Variants in SPAG16 observed in about 807,000 individuals in gnomAD.
SPAG16 encodes sperm associated antigen 16, also known as sperm-associated antigen 16 protein.
In SPAG16, 86 loss-of-function variants were observed where a neutral mutation model predicts 80.4. That is an observed-to-expected ratio of 1.07 (90% confidence interval 0.90 to 1.28). The LOEUF is 1.28. Among genes scored for constraint, SPAG16 ranks in the 50% most tolerant of loss-of-function variants. SPAG16 has a pLI of 0.00. For missense variants in SPAG16, 870 were observed against 765.3 expected (o/e 1.14, Z -1.61); for synonymous variants, 294 against 265.9 (o/e 1.11, Z -1.03).
intron 15 of SPAG16, among the ~76,000 whole-genome samples, chr2:214,196,097 T>C (rs1186649934): frequency 2.0e-5 from 3 of 152,010 alleles, no homozygotes; most frequent in Non-Finnish European, 4.4e-5. Context: ...AAAGAAATAT[T>C]TTCACTATGT....
At chr2:214,201,997 C>T (rs2058021713) in intron 15 of SPAG16, among the ~76,000 whole-genome samples, 1 of 152,104 alleles carries the variant, frequency 6.6e-6, no homozygotes, top group South Asian at 2.1e-4. Flanking sequence ...AGGCATACAC[C>T]ACCATGCCTG....
At chr2:213,319,547 T>C (rs1034006016) in intron 5 of SPAG16, among the ~76,000 whole-genome samples, 3 of 151,966 alleles carry the variant, frequency 2.0e-5, no homozygotes, top group African/African-American at 7.2e-5. Flanking sequence ...TTTTGTACTG[T>C]TTGCCCTGTT....
chr2:213,948,833 A>T (rs1383059368), intron 12 of SPAG16, among the ~76,000 whole-genome samples: 5 of 152,202 alleles, frequency 3.3e-5, no homozygotes, highest in Non-Finnish European at 7.4e-5. Context: ...TATTTCTGTT[A>T]CATTTTTTGC....
At chr2:214,405,811 T>TAAAG in intron 15 of SPAG16, among the ~76,000 whole-genome samples, 1 of 152,008 alleles carries the variant, frequency 6.6e-6, no homozygotes, top group East Asian at 1.9e-4. Context: ...AATAAATAAA[T>TAAAG]AAAGAAAATC....
intron 15 of SPAG16, among the ~76,000 whole-genome samples, chr2:214,303,072 T>C (rs1214706077): frequency 6.6e-6 from 1 of 152,234 alleles, no homozygotes; most frequent in Admixed American, 6.5e-5. Flanking sequence ...TTTTTGTAAT[T>C]CAATTAGCCA....
chr2:214,154,627 A>C (rs1298643147), intron 15 of SPAG16, among the ~76,000 whole-genome samples: 1 of 152,006 alleles, frequency 6.6e-6, no homozygotes, highest in Non-Finnish European at 1.5e-5. Flanking sequence ...ATTTGCAGTT[A>C]ATTCCCTCTG....
At chr2:213,781,970 A>G (rs2070008662) in intron 10 of SPAG16, among the ~76,000 whole-genome samples, 1 of 152,214 alleles carries the variant, frequency 6.6e-6, no homozygotes, top group Non-Finnish European at 1.5e-5. Flanking sequence ...TTTCTATAGC[A>G]ATAACTACCT....
intron 15 of SPAG16, among the ~76,000 whole-genome samples, chr2:214,216,335 G>A (rs2058431354): frequency 1.3e-5 from 2 of 152,024 alleles, no homozygotes; most frequent in African/African-American, 4.8e-5. Flanking sequence ...TGATGATGAC[G>A]ATGATGAGAT....
At chr2:213,824,052 C>T (rs576388999) in intron 10 of SPAG16, among the ~76,000 whole-genome samples, 1 of 152,296 alleles carries the variant, frequency 6.6e-6, no homozygotes, top group African/African-American at 2.4e-5. Flanking sequence ...TTGGGTTTTA[C>T]ATATAAGTCT....
intron 10 of SPAG16, among the ~76,000 whole-genome samples, chr2:213,672,945 G>A (rs530569418): frequency 1.4e-5 from 2 of 147,342 alleles, no homozygotes; most frequent in Non-Finnish European, 3.0e-5. Context: ...TGCAAGCTCC[G>A]CCTCCTGGGT....
chr2:213,290,323 A>G (rs2062220202), intron 1 of SPAG16, among the ~76,000 whole-genome samples: 1 of 152,212 alleles, frequency 6.6e-6, no homozygotes, highest in Non-Finnish European at 1.5e-5. Context: ...GGTTATGACT[A>G]GAAATACAGA....
At chr2:214,142,792 T>G (rs988926072) in intron 14 of SPAG16, among the ~76,000 whole-genome samples, 5 of 152,144 alleles carry the variant, frequency 3.3e-5, no homozygotes, top group African/African-American at 9.7e-5. Context: ...TTTGTCAGCT[T>G]CATTTTGTCA....
intron 10 of SPAG16, among the ~76,000 whole-genome samples, chr2:213,702,527 G>C (rs1359001596): frequency 6.6e-6 from 1 of 152,132 alleles, no homozygotes; most frequent in Non-Finnish European, 1.5e-5. Context: ...AACGCCGCGA[G>C]GGTCCACAGC....
intron 10 of SPAG16, among the ~76,000 whole-genome samples, chr2:213,557,633 A>C (rs1293656292): frequency 1.3e-5 from 2 of 152,166 alleles, no homozygotes; most frequent in African/African-American, 2.4e-5. Context: ...CATTAAAAAA[A>C]ATTGAGTTGA....
intron 13 of SPAG16, among the ~76,000 whole-genome samples, chr2:214,026,831 A>T (rs2048154551): frequency 6.6e-6 from 1 of 151,558 alleles, no homozygotes. Context: ...TTAATTATGT[A>T]CTATACAATA....
intron 15 of SPAG16, among the ~76,000 whole-genome samples, chr2:214,328,270 C>T (rs1191543479): frequency 1.3e-5 from 2 of 152,140 alleles, no homozygotes; most frequent in Non-Finnish European, 2.9e-5. Flanking sequence ...ATTCCCCTGC[C>T]TCAGTCTCCC....
intron 11 of SPAG16, among the ~76,000 whole-genome samples, chr2:213,881,572 C>T (rs776470802): frequency 5.3e-5 from 8 of 152,100 alleles, no homozygotes; most frequent in South Asian, 2.1e-4. Flanking sequence ...AACTTACAAT[C>T]GTGGCAGAAG....
At chr2:213,527,690 C>A (rs1231981808) in intron 10 of SPAG16, among the ~76,000 whole-genome samples, 2 of 152,084 alleles carry the variant, frequency 1.3e-5, no homozygotes, top group African/African-American at 4.8e-5. Flanking sequence ...AAAAACTCAA[C>A]ACACAGAAAA....
At chr2:214,050,257 AGTT>A (rs1161367105) in intron 13 of SPAG16, among the ~76,000 whole-genome samples, 2 of 151,510 alleles carry the variant, frequency 1.3e-5, no homozygotes, top group African/African-American at 2.4e-5. Context: ...CAGCTAATGA[AGTT>A]ATGTTTAAAT....
Sources: gnomAD v4.1 joint callset for allele counts (sites outside exome capture counted in the v4.1 genomes callset) on GRCh38, gnomAD v4.1.1 for gene constraint, MANE v1.5 for transcripts, NCBI Gene and HGNC (gene_info 2026-07-23, HGNC 2026-07-21) for gene names.